Variants in SLC25A3 observed in about 807,000 individuals in gnomAD.
The protein encoded by SLC25A3 is solute carrier family 25 member 3.
Under a neutral mutation model 37.1 loss-of-function variants are expected in SLC25A3, and 14 were observed. The observed-to-expected ratio is 0.38, with a 90% CI of 0.25 to 0.59. The LOEUF (loss-of-function observed/expected upper bound fraction) is 0.59. Among genes scored for constraint, SLC25A3 ranks in the 20% least tolerant of loss-of-function variants. The pLI, the probability that SLC25A3 is intolerant of heterozygous loss-of-function variation, is 0.67. For missense variants in SLC25A3, 385 were observed against 458.1 expected (o/e 0.84, Z 1.46); for synonymous variants, 161 against 168.7 (o/e 0.95, Z 0.36).
rs914777332 is a variant in SLC25A3 at position 98,601,830 on chromosome 12, A to G, written c.*302A>G. On this transcript the variant is annotated 3_prime_UTR_variant, in exon 8 of 8. Coordinates refer to ENST00000552981, the MANE Select transcript of SLC25A3 (RefSeq NM_002635.4). ...ACTGACCATGACCATTGTTGGTTGAATATTCCAGTTGCTATTCAGAAATTG... is the reference window on the plus strand; with the variant it reads ...ACTGACCATGACCATTGTTGGTTGAGTATTCCAGTTGCTATTCAGAAATTG... 3.3e-6 allele frequency: 1 copy of G among 306,334 alleles called. No individual in the cohort carries two copies. The highest frequency in any genetic ancestry group is 7.4e-5 in the East Asian group (1 of 13,466). 19.0% of individuals were successfully genotyped at this position (306,334 alleles called of 1,614,324 possible). A position where few individuals can be genotyped will look rare whatever the true frequency, so the allele number is the denominator to read the frequency against.
chr12:98,593,856 C>T (rs937244362), intron 1 of SLC25A3, 116 bp downstream of exon 1: 1 of 1,171,424 alleles, frequency 8.5e-7, no homozygotes, highest in Non-Finnish European at 1.2e-6. Flanking sequence ...CGAAGGCCGC[C>T]GTGACCTCTT....
intron 3 of SLC25A3, chr12:98,597,542 C>T (rs1376435551): frequency 5.6e-5 from 19 of 341,894 alleles, no homozygotes; most frequent in Non-Finnish European, 1.0e-4. Flanking sequence ...CTCACCCTCA[C>T]CCTCCCGAGT....
intron 3 of SLC25A3, among the ~76,000 whole-genome samples, chr12:98,597,048 T>G (rs1357705448): frequency 6.6e-6 from 1 of 152,036 alleles, no homozygotes; most frequent in African/African-American, 2.4e-5. Flanking sequence ...AAAAAAGTAG[T>G]AGGAGTTGGG....
intron 5 of SLC25A3, 162 bp from the exon 6 acceptor site, chr12:98,599,792 AT>A (rs751447060): frequency 4.8e-6 from 4 of 835,054 alleles, no homozygotes; most frequent in African/African-American, 1.7e-5. Flanking sequence ...TAAGAGAAAT[AT>A]ACCTGCATGT....
chr12:98,597,130 C>T (rs865912637), intron 3 of SLC25A3, among the ~76,000 whole-genome samples: 6 of 152,168 alleles, frequency 3.9e-5, no homozygotes, highest in Non-Finnish European at 8.8e-5. Flanking sequence ...AACTATCACT[C>T]CAAGACTTAA....
At chr12:98,594,725 T>A (rs2097591501) in intron 2 of SLC25A3, 1 of 277,362 alleles carries the variant, frequency 3.6e-6, no homozygotes, top group Non-Finnish European at 7.1e-6. Flanking sequence ...GGATTCTTGG[T>A]GGTTGGGCCC....
intron 3 of SLC25A3, 65 bp from the exon 4 acceptor site, chr12:98,597,791 T>C: frequency 1.9e-6 from 3 of 1,586,448 alleles, no homozygotes; most frequent in South Asian, 1.1e-5. Context: ...AAAATAATCA[T>C]GAGATTAAAT....
rs2097598079 is a variant in SLC25A3, at chr12:98,601,705, ATGATT to A, written c.*180_*184del. On this transcript the variant is annotated 3_prime_UTR_variant, in exon 8 of 8. Coordinates refer to ENST00000552981, the MANE Select transcript of SLC25A3 (RefSeq NM_002635.4). ...ACTGTTGAAATAAACCCAACTCTTCATGATTTGCCTGTGACTTATTTTTAAAACTT... is the reference window on the plus strand; with the variant it reads ...ACTGTTGAAATAAACCCAACTCTTCATGCCTGTGACTTATTTTTAAAACTT... 6 of 616,306 alleles carry A rather than the reference ATGATT, an allele frequency of 9.7e-6. No individual in the cohort carries two copies. The South Asian group carries it at 1.1e-4, about 12-fold the overall frequency. 38.2% of individuals were successfully genotyped at this position (616,306 alleles called of 1,614,324 possible).
intron 3 of SLC25A3, among the ~76,000 whole-genome samples, chr12:98,596,129 A>G (rs1370374484): frequency 1.3e-5 from 2 of 152,178 alleles, no homozygotes; most frequent in Non-Finnish European, 2.9e-5. Flanking sequence ...TAGTGCCCCA[A>G]ATAGTCATTT....
In SLC25A3 at chr12:98,593,938, T is replaced by C. The variant is rs539938658; in HGVS notation, c.-4-37T>C. 4.3e-6 allele frequency: 7 copies of C among 1,613,298 alleles called. No individual in the cohort carries two copies. The East Asian group carries it at 1.3e-4, about 31-fold the overall frequency. On this transcript the variant is annotated intron_variant, in intron 1 of 7. Transcript: ENST00000552981. The stretch of plus-strand genomic sequence containing the variant: ...GGCGCCGGTAACGTTAACCGGCGCC[T>C]TGCCTGTCCTCTAACCGTCGCTCCC...
At chr12:98,598,737 G>A in intron 5 of SLC25A3, 34 bp downstream of exon 5, 2 of 1,542,270 alleles carry the variant, frequency 1.3e-6, no homozygotes, top group Non-Finnish European at 1.8e-6. Flanking sequence ...TACTATGAAA[G>A]TACTTATTTT....
intron 5 of SLC25A3, 61 bp downstream of exon 5, chr12:98,598,764 TTTTTGTTTTTTTTTTTG>T: frequency 6.8e-7 from 1 of 1,462,104 alleles, no homozygotes; most frequent in Non-Finnish European, 9.3e-7. Flanking sequence ...ACTTCATTTT[TTTTTGTTTTTTTTTTTG>T]TTTTGTTTTT....
intron 5 of SLC25A3, among the ~76,000 whole-genome samples, chr12:98,599,017 T>C (rs1034027517): frequency 6.6e-6 from 1 of 151,936 alleles, no homozygotes; most frequent in African/African-American, 2.4e-5. Context: ...CACCTTGGCC[T>C]CCCAAAATGC....
In SLC25A3 at chr12:98,598,336, G is replaced by T. The variant is rs144238134; in HGVS notation, c.460-186G>T. The T allele has an allele frequency of 6.2e-4, 567 of 908,346 alleles. 4 individuals are homozygous for T. In the African/African-American group the frequency reaches 8.8e-3, roughly 14 times the overall value. 56.3% of individuals were successfully genotyped at this position (908,346 alleles called of 1,614,324 possible). A position where few individuals can be genotyped will look rare whatever the true frequency, so the allele number is the denominator to read the frequency against. On this transcript the variant is annotated intron_variant, in intron 4 of 7. Transcript: ENST00000552981. Reference sequence around the variant, plus strand: ...GGGGCATGGCATCTAGATATTTTTTGAATATTCATGTTGTTCACATAGTTA... The same window carrying T: ...GGGGCATGGCATCTAGATATTTTTTTAATATTCATGTTGTTCACATAGTTA...
chr12:98,593,716 G>T lies in SLC25A3; in HGVS notation c.-29G>T. On this transcript the variant is annotated 5_prime_UTR_variant, in exon 1 of 8. Transcript: ENST00000552981. ...TGAGCCGCAACCTTTCCAAGGGAGTGGTTGTGTGATCGCCATCTTAGGGAG... is the reference window on the plus strand; with the variant it reads ...TGAGCCGCAACCTTTCCAAGGGAGTTGTTGTGTGATCGCCATCTTAGGGAG... The T allele has an allele frequency of 5.3e-6, 3 of 568,708 alleles. No individual in the cohort carries two copies. The highest frequency in any genetic ancestry group is 4.0e-5 in the South Asian group (2 of 49,978). The allele number at this position is 568,708 out of a possible 1,614,324, so 35.2% of individuals were successfully genotyped here. A position where few individuals can be genotyped will look rare whatever the true frequency, so the allele number is the denominator to read the frequency against.
At chr12:98,597,029 A>G (rs1486489415) in intron 3 of SLC25A3, among the ~76,000 whole-genome samples, 1 of 152,178 alleles carries the variant, frequency 6.6e-6, no homozygotes, top group Non-Finnish European at 1.5e-5. Flanking sequence ...CAAACAAACA[A>G]AAAACACAAA....
intron 4 of SLC25A3, 39 bp from the exon 5 acceptor site, chr12:98,598,483 A>G: frequency 6.2e-7 from 1 of 1,611,838 alleles, no homozygotes; most frequent in Non-Finnish European, 8.5e-7. Flanking sequence ...AACCAACACA[A>G]CAGCAATTCA....
chr12:98,595,358 A>G (rs2097592101), intron 2 of SLC25A3: 13 of 1,541,494 alleles, frequency 8.4e-6, no homozygotes, highest in Admixed American at 1.7e-5. Context: ...ACAGGGAAAC[A>G]TTTTCTTTCA....
intron 6 of SLC25A3, among the ~76,000 whole-genome samples, chr12:98,600,369 C>G (rs2097596772): frequency 6.6e-6 from 1 of 151,842 alleles, no homozygotes; most frequent in African/African-American, 2.4e-5. Flanking sequence ...TCCCAAGTAG[C>G]TGGGACGGGC....
Sources: gnomAD v4.1 joint callset for allele counts (sites outside exome capture counted in the v4.1 genomes callset) on GRCh38, gnomAD v4.1.1 for gene constraint, MANE v1.5 for transcripts, NCBI Gene and HGNC (gene_info 2026-07-23, HGNC 2026-07-21) for gene names.